Variants in LRIG1 observed in about 807,000 individuals in gnomAD.
The protein encoded by LRIG1 is leucine rich repeats and immunoglobulin like domains 1.
LRIG1 carries 48 observed loss-of-function variants against 99.2 expected under a neutral mutation model. The ratio of observed to expected loss-of-function variants is 0.48; its 90% CI spans 0.38 to 0.62. The LOEUF is 0.62. Among genes scored for constraint, LRIG1 ranks in the 20% least tolerant of loss-of-function variants. The pLI, the probability that LRIG1 is intolerant of heterozygous loss-of-function variation, is 0.00. For missense variants in LRIG1, 1,646 were observed against 1,434.4 expected (o/e 1.15, Z -2.38); for synonymous variants, 772 against 596.1 (o/e 1.29, Z -4.30).
At chr3:66,456,687 T>C (rs1438493454) in intron 2 of LRIG1, among the ~76,000 whole-genome samples, 1 of 151,836 alleles carries the variant, frequency 6.6e-6, no homozygotes, top group Non-Finnish European at 1.5e-5. Flanking sequence ...CCCGCACCCC[T>C]GCTCACACAC....
Position 66,383,050 on chromosome 3 carries a change from G to T in LRIG1, c.2423C>A (p.Ser808Ter). The change falls in exon 15 of 19, where the codon TCA (serine) becomes TAA (stop). Residue 808 changes from serine (S) to a stop codon, truncating the protein, a stop_gained. Coordinates refer to ENST00000273261, the MANE Select transcript of LRIG1 (RefSeq NM_015541.3). LOFTEE classifies it high-confidence loss of function. ...GTAGATGATGCACACCCAGACCAGT[G>T]ACGTCAGGACGATGCTGCTCACGAC... ...IAVVSSIVLT[S>*]LVWVCIIYQT... The T allele has an allele frequency of 6.2e-7, 1 of 1,614,208 alleles. No homozygotes were observed. Among genetic ancestry groups the T allele is most frequent in the African/African-American group, 1.3e-5 (1 of 75,070 alleles).
intron 3 of LRIG1, among the ~76,000 whole-genome samples, chr3:66,442,176 C>G (rs576493369): frequency 3.3e-5 from 5 of 152,300 alleles, no homozygotes; most frequent in Non-Finnish European, 7.3e-5. Flanking sequence ...TTTAAACAAG[C>G]AGGGGGAATC....
intron 1 of LRIG1, among the ~76,000 whole-genome samples, chr3:66,474,592 C>T (rs534717649): frequency 5.9e-5 from 9 of 152,192 alleles, no homozygotes; most frequent in South Asian, 2.1e-4. Flanking sequence ...GTGATCCGCC[C>T]GCCTCGGCCT....
At chr3:66,475,806 G>A (rs984833879) in intron 1 of LRIG1, among the ~76,000 whole-genome samples, 17 of 152,106 alleles carry the variant, frequency 1.1e-4, no homozygotes, top group Non-Finnish European at 2.2e-4. Flanking sequence ...TATTCCTAGG[G>A]GCATGAGACA....
chr3:66,420,599 C>T (rs1181608425), intron 3 of LRIG1, among the ~76,000 whole-genome samples: 1 of 152,222 alleles, frequency 6.6e-6, no homozygotes, highest in Non-Finnish European at 1.5e-5. Flanking sequence ...TGAGATATTA[C>T]TCAGCCTTAA....
At chr3:66,386,420 C>G in intron 12 of LRIG1, 119 bp from the exon 13 acceptor site, 2 of 806,638 alleles carry the variant, frequency 2.5e-6, no homozygotes, top group Non-Finnish European at 4.1e-6. Flanking sequence ...CTTGAGGTCC[C>G]TGTGCATCCT....
intron 2 of LRIG1, among the ~76,000 whole-genome samples, chr3:66,456,431 G>A (rs1700222095): frequency 6.6e-6 from 1 of 152,052 alleles, no homozygotes; most frequent in African/African-American, 2.4e-5. Flanking sequence ...AAATTAGCCA[G>A]GAGTGGTTGT....
chr3:66,405,640 C>T lies in LRIG1; in HGVS notation c.1080-362G>A, dbSNP rs1702240350. 4.5e-6 allele frequency: 4 copies of T among 888,564 alleles called. No homozygotes were observed. The South Asian group carries it at 6.8e-5, about 15-fold the overall frequency. The allele number at this position is 888,564 out of a possible 1,614,324, so 55.0% of individuals were successfully genotyped here. ...CAACCCAAAAGGTTCCTTAAGGCTC[C>T]CGTCTGCTCTCATACCAACCAGAGT... is the stretch of plus-strand genomic sequence containing the variant. On this transcript the variant is annotated intron_variant, in intron 8 of 18. Coordinates refer to ENST00000273261, the MANE Select transcript of LRIG1 (RefSeq NM_015541.3).
chr3:66,422,774 A>G (rs561744083), intron 3 of LRIG1, among the ~76,000 whole-genome samples: 1 of 152,284 alleles, frequency 6.6e-6, no homozygotes, highest in South Asian at 2.1e-4. Context: ...GTTATTTTTC[A>G]CGCTGCTGAT....
At chr3:66,470,311 G>A (rs891471902) in intron 1 of LRIG1, among the ~76,000 whole-genome samples, 5 of 152,188 alleles carry the variant, frequency 3.3e-5, no homozygotes, top group Admixed American at 6.5e-5. Context: ...GCCAGATGGC[G>A]TCCAGAGCAG....
chr3:66,450,612 G>A (rs1703874412), intron 3 of LRIG1, among the ~76,000 whole-genome samples: 1 of 152,166 alleles, frequency 6.6e-6, no homozygotes, highest in Non-Finnish European at 1.5e-5. Context: ...AGATCTGTAA[G>A]CTATGCCAGC....
intron 2 of LRIG1, among the ~76,000 whole-genome samples, chr3:66,459,870 G>C (rs956573489): frequency 3.3e-5 from 5 of 152,136 alleles, no homozygotes; most frequent in African/African-American, 7.2e-5. Context: ...TTTAAATCAA[G>C]ACAAAATCAG....
At chr3:66,455,570 T>C (rs1700194845) in intron 2 of LRIG1, among the ~76,000 whole-genome samples, 1 of 152,246 alleles carries the variant, frequency 6.6e-6, no homozygotes, top group Admixed American at 6.5e-5. Flanking sequence ...ATCTGGCCAA[T>C]CCACTACTGG....
chr3:66,462,364 T>G, intron 2 of LRIG1, 74 bp downstream of exon 2: 1 of 1,062,502 alleles, frequency 9.4e-7, no homozygotes, highest in South Asian at 1.3e-5. Flanking sequence ...GAGTGAGCGA[T>G]GCTGCAATAC....
intron 1 of LRIG1, among the ~76,000 whole-genome samples, chr3:66,486,342 C>T (rs1032273401): frequency 1.3e-5 from 2 of 152,132 alleles, no homozygotes; most frequent in African/African-American, 4.8e-5. Flanking sequence ...GTCACCCAGG[C>T]AGCCAGGCCC....
intron 1 of LRIG1, among the ~76,000 whole-genome samples, chr3:66,470,806 G>C (rs544539309): frequency 6.6e-6 from 1 of 152,286 alleles, no homozygotes; most frequent in South Asian, 2.1e-4. Flanking sequence ...TAAAATGGGA[G>C]ATTCTAGGAT....
chr3:66,441,005 T>C (rs1178553788), intron 3 of LRIG1, among the ~76,000 whole-genome samples: 1 of 152,180 alleles, frequency 6.6e-6, no homozygotes, highest in Non-Finnish European at 1.5e-5. Flanking sequence ...TACCTACCTT[T>C]GTCCTACCGC....
At chr3:66,390,977 A>G (rs1701593850) in intron 12 of LRIG1, among the ~76,000 whole-genome samples, 3 of 152,078 alleles carry the variant, frequency 2.0e-5, no homozygotes, top group South Asian at 4.1e-4. Flanking sequence ...GAAAAGACAA[A>G]TGAATACTGG....
intron 8 of LRIG1, chr3:66,406,106 G>A (rs535928106): frequency 2.0e-6 from 2 of 985,622 alleles, no homozygotes; most frequent in African/African-American, 3.5e-5. Flanking sequence ...CTTGTCTCCT[G>A]TGAGAAGCTG....
Sources: allele counts gnomAD v4.1 joint callset (sites outside exome capture counted in the v4.1 genomes callset), GRCh38; gene constraint gnomAD v4.1.1; transcripts MANE v1.5; gene names NCBI Gene and HGNC (gene_info 2026-07-23, HGNC 2026-07-21).